The following HOMER2 variants were observed in gnomAD, a reference collection of about 807,000 sequenced individuals.
HOMER2 encodes the protein homer scaffold protein 2, also known as homer protein homolog 2.
In HOMER2, 27 loss-of-function variants were observed where a neutral mutation model predicts 47.0. That is an observed-to-expected ratio of 0.57 (90% CI 0.42 to 0.79). The LOEUF (loss-of-function observed/expected upper bound fraction) is 0.79. Among genes scored for constraint, HOMER2 ranks in the 30% least tolerant of loss-of-function variants. HOMER2 has a pLI of 0.00. For synonymous variants in HOMER2, 161 were observed against 163.8 expected (o/e 0.98, Z 0.13); for missense variants, 443 against 435.0 (o/e 1.02, Z -0.16).
upstream of HOMER2, among the ~76,000 whole-genome samples, chr15:82,956,239 CAA>C (rs34193575): frequency 7.6e-4 from 70 of 91,990 alleles, no homozygotes; most frequent in African/African-American, 1.6e-3. Context: ...GACTCCATCT[CAA>C]AAAAAAAAAA....
intron 1 of HOMER2, among the ~76,000 whole-genome samples, chr15:82,939,263 G>A (rs1003090670): frequency 2.0e-5 from 3 of 152,122 alleles, no homozygotes; most frequent in African/African-American, 4.8e-5. Flanking sequence ...AAACATACAC[G>A]TCAATGGTAA....
intron 1 of HOMER2, among the ~76,000 whole-genome samples, chr15:82,943,651 C>CTGCAATATT (rs1210672957): frequency 2.0e-5 from 3 of 152,236 alleles, no homozygotes; most frequent in Non-Finnish European, 4.4e-5. Context: ...GCAGTGGGGT[C>CTGCAATATT]TGCAATATTC....
chr15:82,911,180 C>T (rs2053443097), intron 1 of HOMER2, among the ~76,000 whole-genome samples: 1 of 152,164 alleles, frequency 6.6e-6, no homozygotes, highest in Admixed American at 6.5e-5. Context: ...CTCCCTATTA[C>T]CATCAGCAAA....
chr15:82,927,826 C>T (rs6603037), intron 1 of HOMER2, among the ~76,000 whole-genome samples: 4,672 of 152,028 alleles, frequency 0.031, 223 homozygotes, highest in African/African-American at 0.11. Flanking sequence ...AAAAATTAGC[C>T]GGGCATAGTA....
chr15:82,950,378 T>C (rs180971099), intron 1 of HOMER2, among the ~76,000 whole-genome samples: 559 of 152,206 alleles, frequency 3.7e-3, no homozygotes, highest in Non-Finnish European at 5.6e-3. Flanking sequence ...TGTTTTTTTT[T>C]CCCTTAAATC....
rs998094258 is a variant in HOMER2 at position 82,913,126 on chromosome 15, T to C, written c.6-20285A>G. On this transcript the variant is annotated intron_variant, in intron 1 of 8. Coordinates refer to ENST00000450735, the MANE Select transcript of HOMER2 (RefSeq NM_004839.4). The surrounding 1 kb of genome is among the most constrained non-coding windows in gnomAD (Gnocchi z 4.1). ...TGGAAGTTACAAGCAAACCTGCAGA[T>C]AGTGGGCAGGCCATATTTCAAAGAC... Among the ~76,000 whole-genome samples the C allele has an allele frequency of 6.6e-6, 1 of 152,170 alleles. No homozygotes were observed. The highest frequency in any genetic ancestry group is 1.5e-5 in the Non-Finnish European group (1 of 68,036).
chr15:82,849,947 A>G (rs775870102), intron 8 of HOMER2, 44 bp from the exon 9 acceptor site: 10 of 1,585,218 alleles, frequency 6.3e-6, no homozygotes, highest in Non-Finnish European at 8.6e-6. Context: ...CTGAGTGACG[A>G]GAGTCATCCT....
intron 1 of HOMER2, among the ~76,000 whole-genome samples, chr15:82,967,383 A>G (rs890279805): frequency 6.6e-6 from 1 of 152,170 alleles, no homozygotes; most frequent in African/African-American, 2.4e-5. Context: ...AAAAAAAAAG[A>G]GCTCTTAGTG....
exon 2 of HOMER2, chr15:82,839,928 C>T (rs1237608143): frequency 2.6e-5 from 4 of 152,086 alleles, no homozygotes; most frequent in African/African-American, 7.2e-5. Context: ...ACAAATTGTA[C>T]AGGCCATACT....
chr15:82,897,812 C>G (rs1347087858), intron 1 of HOMER2, among the ~76,000 whole-genome samples: 1 of 152,212 alleles, frequency 6.6e-6, no homozygotes, highest in African/African-American at 2.4e-5. Context: ...AGCTTGGAAG[C>G]AGATCTTTCC....
chr15:82,851,078 G>T, intron 8 of HOMER2, 73 bp downstream of exon 8: 2 of 964,746 alleles, frequency 2.1e-6, no homozygotes, highest in South Asian at 1.4e-5. Flanking sequence ...GTGATAGGAA[G>T]CAGGAAAATG....
chr15:82,944,225 C>T (rs2054324526), intron 1 of HOMER2, among the ~76,000 whole-genome samples: 1 of 152,260 alleles, frequency 6.6e-6, no homozygotes, highest in South Asian at 2.1e-4. Flanking sequence ...CATTCAGAGG[C>T]TCCCATCCTG....
At chr15:82,933,370 G>A (rs2054064586) in intron 1 of HOMER2, among the ~76,000 whole-genome samples, 1 of 152,076 alleles carries the variant, frequency 6.6e-6, no homozygotes, top group Admixed American at 6.5e-5. Context: ...GGGACTACAG[G>A]TGCATGCCAC....
chr15:82,864,412 G>A (rs1054818815), intron 3 of HOMER2, among the ~76,000 whole-genome samples, 153 bp from the exon 4 acceptor site: 14 of 152,186 alleles, frequency 9.2e-5, no homozygotes, highest in Non-Finnish European at 1.9e-4. Flanking sequence ...ATATAAGGAT[G>A]TATATTCCAG....
rs755834966 is a variant in HOMER2 at position 82,849,394 on chromosome 15, G to A, written c.*321C>T. 7 of 277,376 alleles carry A rather than the reference G, an allele frequency of 2.5e-5. No individual in the cohort carries two copies. The highest frequency in any genetic ancestry group is 1.4e-4 in the East Asian group (2 of 14,178). 17.2% of individuals were successfully genotyped at this position (277,376 alleles called of 1,614,324 possible). On this transcript the variant is annotated 3_prime_UTR_variant, in exon 9 of 9. Transcript: ENST00000450735. ...TATCAATATTTGGATTACAAAATGC[G>A]TGTTTTTTCAGTTCATATGGTTGCA...
At chr15:82,960,646 T>C (rs1010794022) in intron 1 of HOMER2, among the ~76,000 whole-genome samples, 1 of 152,202 alleles carries the variant, frequency 6.6e-6, no homozygotes, top group Non-Finnish European at 1.5e-5. Context: ...AAGTGGGTTT[T>C]CAATTCAAAT....
intron 3 of HOMER2, among the ~76,000 whole-genome samples, chr15:82,868,020 T>C (rs1330188593): frequency 1.3e-5 from 2 of 152,198 alleles, no homozygotes; most frequent in Non-Finnish European, 2.9e-5. Flanking sequence ...TTGCATTTTC[T>C]AATATTTCCC....
intron 5 of HOMER2, among the ~76,000 whole-genome samples, chr15:82,855,062 C>T (rs569419270): frequency 8.5e-5 from 13 of 152,214 alleles, no homozygotes; most frequent in African/African-American, 3.1e-4. Context: ...TTGGGCCGGA[C>T]GCAGTGGCTC....
At chr15:82,894,918 T>C (rs745661037) in intron 1 of HOMER2, among the ~76,000 whole-genome samples, 1 of 152,126 alleles carries the variant, frequency 6.6e-6, no homozygotes, top group Non-Finnish European at 1.5e-5. Flanking sequence ...CCATCCTGAA[T>C]GTAGAATACT....
Sources: allele counts gnomAD v4.1 joint callset (sites outside exome capture counted in the v4.1 genomes callset), GRCh38; gene constraint gnomAD v4.1.1; non-coding constraint Gnocchi (gnomAD v3.1); transcripts MANE v1.5; gene names NCBI Gene and HGNC (gene_info 2026-07-23, HGNC 2026-07-21).